The following ERC2 variants were observed in gnomAD, a reference collection of about 807,000 sequenced individuals.
ERC2 encodes ELKS/RAB6-interacting/CAST family member 2.
ERC2 carries 42 observed loss-of-function variants against 114.8 expected under a neutral mutation model. The observed-to-expected ratio is 0.37, with a 90% CI of 0.29 to 0.47. ERC2 has a LOEUF of 0.47. Ranked by LOEUF, ERC2 falls within the 20% of genes least tolerant of loss-of-function variation. ERC2 has a pLI of 0.99. For synonymous variants in ERC2, 454 were observed against 425.5 expected (o/e 1.07, Z -0.82); for missense variants, 939 against 1,150.7 (o/e 0.82, Z 2.66).
intron 17 of ERC2, among the ~76,000 whole-genome samples, chr3:55,535,017 C>G (rs1210634391): frequency 1.3e-5 from 2 of 152,212 alleles, no homozygotes; most frequent in Admixed American, 1.3e-4. Flanking sequence ...AGTCACTCGA[C>G]CATCAACCAT....
At chr3:55,880,384 T>C (rs1417931309) in intron 14 of ERC2, among the ~76,000 whole-genome samples, 1 of 152,234 alleles carries the variant, frequency 6.6e-6, no homozygotes, top group Non-Finnish European at 1.5e-5. Flanking sequence ...ATGTTCAGCA[T>C]AGTTTTTTTG....
At chr3:56,173,115 A>G (rs2150024011) in intron 4 of ERC2, among the ~76,000 whole-genome samples, 1 of 152,322 alleles carries the variant, frequency 6.6e-6, no homozygotes, top group Non-Finnish European at 1.5e-5. Flanking sequence ...TGTGATGTGA[A>G]TAGGAGGAAA....
intron 13 of ERC2, among the ~76,000 whole-genome samples, chr3:55,898,063 A>G (rs942649099): frequency 1.3e-5 from 2 of 152,188 alleles, no homozygotes; most frequent in Non-Finnish European, 2.9e-5. Flanking sequence ...TCTCAGGCCT[A>G]TTAACAAAAC....
intron 1 of ERC2, among the ~76,000 whole-genome samples, chr3:56,462,082 T>C (rs1322928590): frequency 6.6e-6 from 1 of 152,174 alleles, no homozygotes; most frequent in Non-Finnish European, 1.5e-5. Flanking sequence ...ACTGGCACAG[T>C]GGAGCCAGAC....
At chr3:55,518,715 G>T (rs1206352061) in intron 17 of ERC2, among the ~76,000 whole-genome samples, 2 of 152,206 alleles carry the variant, frequency 1.3e-5, no homozygotes, top group Non-Finnish European at 2.9e-5. Flanking sequence ...AGTTCATTAA[G>T]TACATTTTAA....
At chr3:56,061,522 G>A (rs1366419860) in intron 7 of ERC2, among the ~76,000 whole-genome samples, 1 of 152,024 alleles carries the variant, frequency 6.6e-6, no homozygotes, top group Non-Finnish European at 1.5e-5. Flanking sequence ...ACAAAAGAAA[G>A]GAAGGGACTT....
chr3:55,724,336 A>C (rs2064776710), intron 15 of ERC2, among the ~76,000 whole-genome samples: 1 of 152,190 alleles, frequency 6.6e-6, no homozygotes, highest in Admixed American at 6.5e-5. Flanking sequence ...GTGGTTGCTC[A>C]GGGTCACAGA....
At chr3:55,524,865 C>G (rs1430054675) in intron 17 of ERC2, among the ~76,000 whole-genome samples, 1 of 152,146 alleles carries the variant, frequency 6.6e-6, no homozygotes, top group Non-Finnish European at 1.5e-5. Flanking sequence ...GCTACATGTG[C>G]CAAAGCAGAA....
intron 17 of ERC2, among the ~76,000 whole-genome samples, chr3:55,584,067 A>C (rs1416643389): frequency 6.6e-6 from 1 of 152,202 alleles, no homozygotes. Flanking sequence ...TAACACATGG[A>C]AAGTGCTTGT....
chr3:55,720,455 T>G (rs1290051422), intron 15 of ERC2, among the ~76,000 whole-genome samples: 1 of 150,562 alleles, frequency 6.6e-6, no homozygotes, highest in African/African-American at 2.5e-5. Context: ...CCAGCTAATT[T>G]TTGAGTTTTT....
intron 3 of ERC2, among the ~76,000 whole-genome samples, chr3:56,187,054 G>T (rs1271191564): frequency 6.6e-6 from 1 of 152,174 alleles, no homozygotes; most frequent in East Asian, 1.9e-4. Flanking sequence ...TTAAGCAAGG[G>T]TGTTGTATAG....
chr3:56,441,395 G>A (rs7646515), intron 1 of ERC2, among the ~76,000 whole-genome samples: 1 of 152,126 alleles, frequency 6.6e-6, no homozygotes, highest in South Asian at 2.1e-4. Flanking sequence ...TGGGAAGTAA[G>A]AAATTATTAT....
At chr3:55,674,590 C>T (rs1026584439) in intron 17 of ERC2, among the ~76,000 whole-genome samples, 2 of 152,144 alleles carry the variant, frequency 1.3e-5, no homozygotes, top group Non-Finnish European at 2.9e-5. Context: ...TTCAGGGCCT[C>T]GTCTTATGTT....
Position 55,510,624 on chromosome 3 carries a change from C to T in ERC2, c.*692G>A. The T allele has an allele frequency of 6.6e-6, 1 of 152,604 alleles. No homozygotes were observed. Among genetic ancestry groups the T allele is most frequent in the East Asian group, 1.9e-4 (1 of 5,202 alleles). 9.5% of individuals were successfully genotyped at this position (152,604 alleles called of 1,614,324 possible). A position where few individuals can be genotyped will look rare whatever the true frequency, so the allele number is the denominator to read the frequency against. ...TGGTTTAAAAAATTGATTTCTTTTC[C>T]AACCTGGCCCAGAGGTGACTACTGG... On this transcript the variant is annotated 3_prime_UTR_variant, in exon 18 of 18. Transcript: ENST00000288221.
intron 17 of ERC2, among the ~76,000 whole-genome samples, chr3:55,675,877 T>C (rs973608596): frequency 6.9e-6 from 1 of 144,278 alleles, no homozygotes; most frequent in African/African-American, 2.5e-5. Context: ...TTAAAAACCC[T>C]TTCCATCTTT....
In ERC2 at chr3:56,434,732, T is replaced by C; in HGVS notation, c.276A>G (p.Gly92=). The C allele has an allele frequency of 6.2e-7, 1 of 1,614,006 alleles. No homozygotes were observed. The highest frequency in any genetic ancestry group is 8.5e-7 in the Non-Finnish European group (1 of 1,179,894). The change falls in exon 2 of 18, where the codon GGA becomes GGG. Residue 92 remains glycine, a synonymous_variant. Transcript: ENST00000288221. ...TACTCCCCATGGCTGTGACACGGCC[T>C]CCATATACAGCTCGATTTGTAGCCC... ...LGRATNRAVY[G]GRVTAMGSSP...
At chr3:55,536,443 G>A (rs535772606) in intron 17 of ERC2, among the ~76,000 whole-genome samples, 17 of 152,282 alleles carry the variant, frequency 1.1e-4, no homozygotes, top group South Asian at 8.3e-4. Flanking sequence ...CTGCCTACTC[G>A]GTCTGCCACT....
chr3:56,265,936 G>A (rs2053262274), intron 3 of ERC2, among the ~76,000 whole-genome samples: 1 of 151,298 alleles, frequency 6.6e-6, no homozygotes, highest in South Asian at 2.1e-4. Context: ...GGCTGAGGCA[G>A]GAGAATCACT....
At chr3:55,631,472 T>C (rs1010490761) in intron 17 of ERC2, among the ~76,000 whole-genome samples, 1 of 152,170 alleles carries the variant, frequency 6.6e-6, no homozygotes, top group Non-Finnish European at 1.5e-5. Context: ...GCCTGACACC[T>C]CCAGGTTGGC....
Sources: gnomAD v4.1 joint callset for allele counts (sites outside exome capture counted in the v4.1 genomes callset) on GRCh38, gnomAD v4.1.1 for gene constraint, MANE v1.5 for transcripts, NCBI Gene and HGNC (gene_info 2026-07-23, HGNC 2026-07-21) for gene names.